Variants in RARS2 observed in about 807,000 individuals in gnomAD.
RARS2 encodes probable arginine--tRNA ligase, mitochondrial.
A neutral mutation model predicts 88.5 loss-of-function variants in RARS2; 67 were observed. The ratio of observed to expected loss-of-function variants is 0.76; its 90% CI spans 0.62 to 0.93. RARS2 has a LOEUF of 0.93. Ranked by LOEUF, RARS2 falls within the 40% of genes least tolerant of loss-of-function variation. The probability of loss-of-function intolerance (pLI) is 0.00; values close to 1 mark genes in which losing one functional copy is unlikely to be tolerated. For synonymous variants in RARS2, 239 were observed against 230.3 expected, an observed-to-expected ratio of 1.04 and a Z score of -0.34; for missense variants, 664 against 684.2, an observed-to-expected ratio of 0.97 and a Z score of 0.33.
chr6:87,543,142 A>C (rs1035520201), intron 7 of RARS2, among the ~76,000 whole-genome samples: 2 of 151,436 alleles, frequency 1.3e-5, no homozygotes, highest in African/African-American at 4.9e-5. Flanking sequence ...TCTCTACTAA[A>C]AAAATACAAA....
At chr6:87,575,225 GCACA>G (rs58168335) in intron 1 of RARS2, among the ~76,000 whole-genome samples, 10,523 of 114,422 alleles carry the variant, frequency 0.092, 528 homozygotes, top group Middle Eastern at 0.12. Flanking sequence ...AAAATAGAAA[GCACA>G]CACACACACA....
intron 1 of RARS2, among the ~76,000 whole-genome samples, chr6:87,578,870 G>C (rs930067213): frequency 5.4e-5 from 7 of 129,656 alleles, no homozygotes; most frequent in Non-Finnish European, 1.1e-4. Flanking sequence ...TGAGGCAGGA[G>C]AATCACTTGA....
intron 1 of RARS2, chr6:87,589,619 A>C (rs1776369719): frequency 3.1e-6 from 3 of 953,902 alleles, no homozygotes; most frequent in Non-Finnish European, 2.5e-6. Flanking sequence ...ATGGGGTCTA[A>C]TCATGGTCTA....
At chr6:87,557,486 A>C (rs1192978013) in intron 4 of RARS2, among the ~76,000 whole-genome samples, 1 of 152,204 alleles carries the variant, frequency 6.6e-6, no homozygotes, top group Non-Finnish European at 1.5e-5. Context: ...CACAACAGTT[A>C]ATCGTAGTAA....
At chr6:87,529,167 C>T (rs1411100488) in intron 10 of RARS2, among the ~76,000 whole-genome samples, 1 of 152,180 alleles carries the variant, frequency 6.6e-6, no homozygotes, top group Non-Finnish European at 1.5e-5. Context: ...TATCTTCACA[C>T]ACTGCCTTAA....
At chr6:87,561,192 ATG>A (rs1787750193) in intron 4 of RARS2, among the ~76,000 whole-genome samples, 1 of 152,230 alleles carries the variant, frequency 6.6e-6, no homozygotes, top group Non-Finnish European at 1.5e-5. Flanking sequence ...AGTCTCAGCT[ATG>A]TGAGGTATGC....
At chr6:87,538,182 A>T (rs1582470215) in intron 8 of RARS2, among the ~76,000 whole-genome samples, 1 of 152,338 alleles carries the variant, frequency 6.6e-6, no homozygotes, top group East Asian at 1.9e-4. Context: ...CTGTCCTGCA[A>T]AAGGAGAAGG....
intron 1 of RARS2, among the ~76,000 whole-genome samples, chr6:87,587,460 C>A (rs1392457339): frequency 6.6e-6 from 1 of 152,150 alleles, no homozygotes; most frequent in Non-Finnish European, 1.5e-5. Context: ...ACATATATAT[C>A]TGCATAATTT....
chr6:87,564,521 T>A, intron 2 of RARS2: 1 of 382,054 alleles, frequency 2.6e-6, no homozygotes, highest in South Asian at 2.2e-5. Flanking sequence ...ACACAAAAAT[T>A]AGCCAGGCAT....
At chr6:87,522,770 C>T (rs1774366523) in intron 11 of RARS2, among the ~76,000 whole-genome samples, 1 of 152,164 alleles carries the variant, frequency 6.6e-6, no homozygotes, top group South Asian at 2.1e-4. Context: ...AGAATACAGG[C>T]AAGAGCCACT....
rs1214633665 is a variant in RARS2 at position 87,527,595 on chromosome 6, ACAAT to A, written c.878+1943_878+1946del. Among the ~76,000 whole-genome samples the A allele has an allele frequency of 2.6e-5, 4 of 152,220 alleles. No individual in the cohort carries two copies. The South Asian group carries it at 8.3e-4, about 31-fold the overall frequency. ...AAAAAGCTTCTGCACAGCAAAGAAA[ACAAT>A]CAACAAAATGAAGAGACAACCTAGA... On this transcript the variant is annotated intron_variant, in intron 10 of 19. Transcript: ENST00000369536.
intron 1 of RARS2, among the ~76,000 whole-genome samples, chr6:87,577,883 TTC>T (rs1262777183): frequency 6.6e-6 from 1 of 152,260 alleles, no homozygotes; most frequent in East Asian, 1.9e-4. Context: ...ACAATTTCTT[TTC>T]TTACTGTAAA....
At chr6:87,519,202 G>GTATATA (rs1772936934) in intron 14 of RARS2, 1 of 271,930 alleles carries the variant, frequency 3.7e-6, no homozygotes, top group African/African-American at 2.5e-5. Flanking sequence ...GTGTGTGTGT[G>GTATATA]TGTGTGTATA....
intron 4 of RARS2, among the ~76,000 whole-genome samples, chr6:87,560,381 G>A (rs961781318): frequency 6.6e-6 from 1 of 152,150 alleles, no homozygotes; most frequent in South Asian, 2.1e-4. Flanking sequence ...CTATTTGGTT[G>A]AGATCATACT....
chr6:87,519,609 A>T lies in RARS2; in HGVS notation c.1211T>A (p.Met404Lys), dbSNP rs863224180. Reference sequence around the variant, plus strand: ...CTTAATTGAAGCCATGTTCTGTAGCATCCTTAATTGAATCTCATTTAAAAC... The same window carrying T: ...CTTAATTGAAGCCATGTTCTGTAGCTTCCTTAATTGAATCTCATTTAAAAC... ...EDVLNEIQLR[M>K]LQNMASIKTT... Residue 404 changes from methionine (M) to lysine (K), a missense_variant, in exon 14 of 20, where the codon ATG becomes AAG. Coordinates refer to ENST00000369536, the MANE Select transcript of RARS2 (RefSeq NM_020320.5). 3 of 1,612,826 alleles carry T rather than the reference A, an allele frequency of 1.9e-6. No individual in the cohort carries two copies. The highest frequency in any genetic ancestry group is 2.5e-6 in the Non-Finnish European group (3 of 1,178,822).
intron 1 of RARS2, among the ~76,000 whole-genome samples, chr6:87,569,829 G>A (rs532861953): frequency 6.6e-6 from 1 of 151,884 alleles, no homozygotes; most frequent in African/African-American, 2.4e-5. Context: ...AGGGTTAAGG[G>A]GAGGATTTGA....
intron 4 of RARS2, among the ~76,000 whole-genome samples, chr6:87,560,770 C>T (rs1787604266): frequency 6.6e-6 from 1 of 152,088 alleles, no homozygotes; most frequent in African/African-American, 2.4e-5. Flanking sequence ...GCCTGTAATC[C>T]CAGCTACCTG....
At position 87,524,646 on chromosome 6, in the gene RARS2, T is replaced by C. The variant is rs769636930; in HGVS notation, c.885A>G (p.Gly295=). The C allele has an allele frequency of 1.8e-5, 29 of 1,609,738 alleles. No individual in the cohort carries two copies. The Admixed American group carries it at 4.8e-4, about 27-fold the overall frequency. The change falls in exon 11 of 20, where the codon GGA becomes GGG. Residue 295 remains glycine (G), a synonymous_variant. Transcript: ENST00000369536. ...SKGLLLKTIK[G]TAVVDLSGNG... is the part of the protein sequence containing the mutation. The stretch of plus-strand genomic sequence containing the variant: ...TCCCAGAGAGATCTACTACAGCCGT[T>C]CCTTTTCTAGAAATTCGAAAAGGTA...
chr6:87,534,450 C>A (rs1358576907), intron 8 of RARS2, among the ~76,000 whole-genome samples: 1 of 152,178 alleles, frequency 6.6e-6, no homozygotes, highest in Non-Finnish European at 1.5e-5. Context: ...CCTTGTAGAG[C>A]ACCACACACA....
Sources: gnomAD v4.1 joint callset for allele counts (sites outside exome capture counted in the v4.1 genomes callset) on GRCh38, gnomAD v4.1.1 for gene constraint, MANE v1.5 for transcripts, NCBI Gene and HGNC (gene_info 2026-07-23, HGNC 2026-07-21) for gene names.